The following USP43 variants were observed in gnomAD, a reference collection of about 807,000 sequenced individuals.
The protein encoded by USP43 is ubiquitin specific peptidase 43.
Under a neutral mutation model 90.7 loss-of-function variants are expected in USP43, and 33 were observed. That is an observed-to-expected ratio of 0.36 (90% CI 0.28 to 0.49). USP43 has a LOEUF of 0.49. Ranked by LOEUF, USP43 falls within the 20% of genes least tolerant of loss-of-function variation. The pLI is 0.98. For missense variants in USP43, 1,274 were observed against 1,476.4 expected (o/e 0.86, Z 2.25); for synonymous variants, 598 against 615.8 (o/e 0.97, Z 0.43).
In USP43 at chr17:9,703,482, T is replaced by C. The variant is rs959983646; in HGVS notation, c.2011+1782T>C. 4.6e-5 allele frequency among the ~76,000 whole-genome samples: 7 copies of C among 152,294 alleles called. No homozygotes were observed. The South Asian group carries it at 1.4e-3, about 32-fold the overall frequency. ...ATGCCCGATTTTGGGGGTGGTGGTATGGCAGCAGAAGGGACGCAGTTCCTG... is the reference window on the plus strand; with the variant it reads ...ATGCCCGATTTTGGGGGTGGTGGTACGGCAGCAGAAGGGACGCAGTTCCTG... On this transcript the variant is annotated intron_variant, in intron 12 of 14. Coordinates refer to ENST00000285199, the MANE Select transcript of USP43 (RefSeq NM_153210.5).
intron 14 of USP43, among the ~76,000 whole-genome samples, chr17:9,725,331 G>C (rs931802266): frequency 7.0e-6 from 1 of 141,988 alleles, no homozygotes; most frequent in African/African-American, 2.5e-5. Context: ...GGTGGGGCGG[G>C]AGTTGAACCA....
At chr17:9,675,797 A>G (rs73255765) in intron 4 of USP43, among the ~76,000 whole-genome samples, 2,839 of 152,302 alleles carry the variant, frequency 0.019, 79 homozygotes, top group African/African-American at 0.062. Context: ...GGCTTATGCT[A>G]TAACATGGCT....
intron 2 of USP43, among the ~76,000 whole-genome samples, chr17:9,661,559 T>C (rs1912640160): frequency 6.6e-6 from 1 of 152,108 alleles, no homozygotes; most frequent in South Asian, 2.1e-4. Flanking sequence ...GGTCTCACTA[T>C]GTTGTCCAGG....
In USP43 at chr17:9,682,959, G is replaced by T; in HGVS notation, c.1241+1G>T. 1 of 1,612,456 alleles carries T rather than the reference G, an allele frequency of 6.2e-7. No homozygotes were observed. The highest frequency in any genetic ancestry group is 8.5e-7 in the Non-Finnish European group (1 of 1,178,832). On this transcript the variant is annotated splice_donor_variant, in intron 7 of 14. Coordinates refer to ENST00000285199, the MANE Select transcript of USP43 (RefSeq NM_153210.5). LOFTEE classifies it high-confidence loss of function. ...TGGGGTCAGGGCAGCAGGCTAGCAG[G>T]TATGTTTCACTTTATTCTTTTTTCA...
Position 9,656,976 on chromosome 17 carries a change from C to A in USP43, c.636+442C>A, listed in dbSNP as rs573190688. Among the ~76,000 whole-genome samples the A allele has an allele frequency of 5.9e-5, 9 of 152,292 alleles. No homozygotes were observed. The Middle Eastern group carries it at 0.01, about 173-fold the overall frequency. On this transcript the variant is annotated intron_variant, in intron 2 of 14. Transcript: ENST00000285199. ...CACGACACAGGATGGATGATTTTTA[C>A]ACATGTGCATTTAGCATCCCCAGGT...
intron 9 of USP43, among the ~76,000 whole-genome samples, chr17:9,699,833 G>A (rs1178446158): frequency 1.3e-5 from 2 of 152,180 alleles, no homozygotes; most frequent in Non-Finnish European, 2.9e-5. Context: ...GGGTATTTGT[G>A]TAGGATGGTC....
chr17:9,686,797 G>A lies in USP43; in HGVS notation c.1242-1G>A. ...ATAACCCGATTTCCTTGGATTTTCA[G>A]GTTTGGGCCACCCTTCCTGATAAGG... On this transcript the variant is annotated splice_acceptor_variant, in intron 7 of 14. Transcript: ENST00000285199. LOFTEE classifies it high-confidence loss of function. This position sits in a 1 kb window ranked among gnomAD's most constrained non-coding sequence, Gnocchi z 5.5. 3 of 1,613,782 alleles carry A rather than the reference G, an allele frequency of 1.9e-6. No homozygotes were observed. Among genetic ancestry groups the A allele is most frequent in the Non-Finnish European group, 2.5e-6 (3 of 1,179,778 alleles).
chr17:9,728,582 A>G lies in USP43; in HGVS notation c.2964A>G (p.Leu988=). The G allele has an allele frequency of 6.2e-7, 1 of 1,614,006 alleles. No individual in the cohort carries two copies. The highest frequency in any genetic ancestry group is 8.5e-7 in the Non-Finnish European group (1 of 1,179,894). ...ACAGTCGCCGAGGCACCTCTGAGCT[A>G]GACAGACCCCTGCAGGGGACACTCA... is the stretch of plus-strand genomic sequence containing the variant. ...SKDSRRGTSE[L]DRPLQGTLTL... is the part of the protein sequence containing the mutation. Residue 988 remains leucine, a synonymous_variant, in exon 15 of 15, where the codon CTA becomes CTG. Transcript: ENST00000285199. The surrounding 1 kb of genome is among the most constrained non-coding windows in gnomAD (Gnocchi z 6.2).
rs146742858 is a variant in USP43, at chr17:9,712,516, G to A, written c.2335+384G>A. The stretch of plus-strand genomic sequence containing the variant: ...GGCGGGTAACATCTTTCTAGGGGGT[G>A]ACACTGAGCAGAGCTCTGAGTGAGA... On this transcript the variant is annotated intron_variant, in intron 14 of 14. Transcript: ENST00000285199. 5.7e-3 allele frequency among the ~76,000 whole-genome samples: 867 copies of A among 152,282 alleles called. 10 individuals are homozygous for A. Among genetic ancestry groups the A allele is most frequent in the African/African-American group, 0.02 (837 of 41,568 alleles).
intron 1 of USP43, among the ~76,000 whole-genome samples, chr17:9,655,445 C>A (rs1474626646): frequency 6.6e-6 from 1 of 152,234 alleles, no homozygotes; most frequent in Non-Finnish European, 1.5e-5. Flanking sequence ...AGAAGGAAGA[C>A]TTCATTATCA....
intron 14 of USP43, among the ~76,000 whole-genome samples, chr17:9,726,821 T>C (rs1917296964): frequency 6.6e-6 from 1 of 152,188 alleles, no homozygotes; most frequent in African/African-American, 2.4e-5. Context: ...TCCAAATGTG[T>C]GTGACTGTCC....
At chr17:9,648,247 A>C (rs1172736171) in intron 1 of USP43, among the ~76,000 whole-genome samples, 1 of 152,234 alleles carries the variant, frequency 6.6e-6, no homozygotes, top group Non-Finnish European at 1.5e-5. Flanking sequence ...GGAGGAGTGG[A>C]GGATCCCAGA....
Position 9,713,794 on chromosome 17 carries a change from G to A in USP43, c.2335+1662G>A, listed in dbSNP as rs192985805. ...CTTGCTTAAGGTCTAAATAACGAGG[G>A]GAATTGCTGCACAGTTAATGAGGTG... On this transcript the variant is annotated intron_variant, in intron 14 of 14. Coordinates refer to ENST00000285199, the MANE Select transcript of USP43 (RefSeq NM_153210.5). 3.6e-3 allele frequency among the ~76,000 whole-genome samples: 542 copies of A among 152,268 alleles called. 4 individuals are homozygous for A. Among genetic ancestry groups the A allele is most frequent in the African/African-American group, 0.012 (505 of 41,560 alleles).
Position 9,674,816 on chromosome 17 carries a change from T to A in USP43, c.741-75T>A. 1 of 1,232,614 alleles carries A rather than the reference T, an allele frequency of 8.1e-7. No homozygotes were observed. Among genetic ancestry groups the A allele is most frequent in the Non-Finnish European group, 1.2e-6 (1 of 836,674 alleles). The allele number at this position is 1,232,614 out of a possible 1,614,324, so 76.4% of individuals were successfully genotyped here. On this transcript the variant is annotated intron_variant, in intron 3 of 14. Transcript: ENST00000285199. The surrounding 1 kb of genome is among the most constrained non-coding windows in gnomAD (Gnocchi z 4.4). Reference sequence around the variant, plus strand: ...ATCACAGGGAGTGGAAATGCAAGGATAATTCTGTATTGAATTTTACCCCCA... The same window carrying A: ...ATCACAGGGAGTGGAAATGCAAGGAAAATTCTGTATTGAATTTTACCCCCA...
chr17:9,681,097 CATATACTATATAAT>C (rs60162853), intron 6 of USP43, among the ~76,000 whole-genome samples: 6,588 of 69,286 alleles, frequency 0.095, 978 homozygotes, highest in East Asian at 0.34. Flanking sequence ...TAATATATGA[CATATACTATATAAT>C]ATATACTATA....
At chr17:9,662,881 G>A (rs542008532) in intron 2 of USP43, among the ~76,000 whole-genome samples, 70 of 150,444 alleles carry the variant, frequency 4.7e-4, no homozygotes, top group South Asian at 1.1e-3. Context: ...GCAGTGGTGC[G>A]ATCTCAGCTC....
At chr17:9,724,605 G>A (rs530316321) in intron 14 of USP43, among the ~76,000 whole-genome samples, 12 of 151,826 alleles carry the variant, frequency 7.9e-5, no homozygotes, top group Middle Eastern at 3.4e-3. Context: ...ACTTGAATCC[G>A]GGAGGTGGAG....
chr17:9,720,278 G>A (rs112988384), intron 14 of USP43, among the ~76,000 whole-genome samples: 5,018 of 137,774 alleles, frequency 0.036, 160 homozygotes, highest in East Asian at 0.19. Context: ...GTGAGCCGAG[G>A]TTGCGCCACT....
chr17:9,652,672 A>T (rs1387587116), intron 1 of USP43, among the ~76,000 whole-genome samples: 2 of 151,960 alleles, frequency 1.3e-5, no homozygotes, highest in Non-Finnish European at 2.9e-5. Flanking sequence ...GTTTCCATAG[A>T]CTTTCTAGGG....
Sources: allele counts gnomAD v4.1 joint callset (sites outside exome capture counted in the v4.1 genomes callset), GRCh38; gene constraint gnomAD v4.1.1; non-coding constraint Gnocchi (gnomAD v3.1); transcripts MANE v1.5; gene names NCBI Gene and HGNC (gene_info 2026-07-23, HGNC 2026-07-21).